Variants in PXDNL observed in about 807,000 individuals in gnomAD.
PXDNL encodes probable oxidoreductase PXDNL.
PXDNL carries 145 observed loss-of-function variants against 150.8 expected under a neutral mutation model. The observed-to-expected ratio is 0.96, with a 90% CI of 0.84 to 1.10. The LOEUF is 1.10. Ranked by LOEUF, PXDNL falls within the 50% of genes least tolerant of loss-of-function variation. The probability of loss-of-function intolerance (pLI) is 0.00; values close to 1 mark genes in which losing one functional copy is unlikely to be tolerated. For missense variants in PXDNL, 2,087 were observed against 1,873.9 expected, an observed-to-expected ratio of 1.11 and a Z score of -2.10; for synonymous variants, 757 against 725.7, an observed-to-expected ratio of 1.04 and a Z score of -0.69.
At chr8:51,729,449 CCACTACACAATCATTTAGAA>C (rs1180562476) in intron 1 of PXDNL, among the ~76,000 whole-genome samples, 2 of 152,096 alleles carry the variant, frequency 1.3e-5, no homozygotes, top group African/African-American at 4.8e-5. Flanking sequence ...CAATGAGATA[CCACTACACAATCATTTAGAA>C]TGGCCAAAAT....
rs979675688 is a variant in PXDNL at position 51,486,406 on chromosome 8, T to G, written c.453-2692A>C. ...AATCAGATATTACTGCTACTTGATATTTCTATAACAACTTGCTTTCAAGCA... is the reference window on the plus strand; with the variant it reads ...AATCAGATATTACTGCTACTTGATAGTTCTATAACAACTTGCTTTCAAGCA... On this transcript the variant is annotated intron_variant, in intron 5 of 22. Coordinates refer to ENST00000356297, the MANE Select transcript of PXDNL (RefSeq NM_144651.5). Among the ~76,000 whole-genome samples, 5 of 152,142 alleles carry G rather than the reference T, an allele frequency of 3.3e-5. No individual in the cohort carries two copies. The South Asian group carries it at 8.3e-4, about 25-fold the overall frequency.
intron 1 of PXDNL, among the ~76,000 whole-genome samples, chr8:51,785,733 C>G (rs995062450): frequency 3.3e-5 from 5 of 152,164 alleles, no homozygotes; most frequent in African/African-American, 9.7e-5. Flanking sequence ...CATCTCTCTC[C>G]CTCTCCTTGG....
intron 1 of PXDNL, among the ~76,000 whole-genome samples, chr8:51,792,636 C>T (rs2037523904): frequency 6.6e-6 from 1 of 152,136 alleles, no homozygotes; most frequent in South Asian, 2.1e-4. Flanking sequence ...TGCCATTTTT[C>T]CCCCTGCTGG....
At chr8:51,399,597 G>A (rs77083046) in intron 17 of PXDNL, among the ~76,000 whole-genome samples, 4,556 of 152,304 alleles carry the variant, frequency 0.03, 169 homozygotes, top group African/African-American at 0.088. Flanking sequence ...AGACTGCAAA[G>A]ACCATGAGCT....
chr8:51,601,295 G>A (rs1813715426), intron 2 of PXDNL, among the ~76,000 whole-genome samples: 1 of 151,846 alleles, frequency 6.6e-6, no homozygotes, highest in African/African-American at 2.4e-5. Flanking sequence ...CTGCCTTGAT[G>A]CTCTGTCCAA....
At chr8:51,802,425 G>C (rs1239629029) in intron 1 of PXDNL, among the ~76,000 whole-genome samples, 2 of 152,070 alleles carry the variant, frequency 1.3e-5, no homozygotes, top group Non-Finnish European at 2.9e-5. Context: ...CTTTGAATGT[G>C]GCCCAAAGCA....
chr8:51,371,785 T>A (rs1394346815), intron 19 of PXDNL, 88 bp downstream of exon 19: 2 of 1,190,706 alleles, frequency 1.7e-6, no homozygotes, highest in African/African-American at 3.0e-5. Context: ...TATCTTTCTT[T>A]AAATCGCATA....
At chr8:51,611,925 G>C (rs1441375123) in intron 2 of PXDNL, among the ~76,000 whole-genome samples, 3 of 152,236 alleles carry the variant, frequency 2.0e-5, no homozygotes, top group Non-Finnish European at 2.9e-5. Context: ...ACCAGCGATG[G>C]GCAGCTCAGA....
In PXDNL at chr8:51,800,376, G is replaced by A. The variant is rs535433803; in HGVS notation, c.164+8805C>T. ...TCTCTCAGAAAGACAAGTTAATAAC[G>A]CTAATTCCACGTGGTATATTCCCTG... On this transcript the variant is annotated intron_variant, in intron 1 of 22. Coordinates refer to ENST00000356297, the MANE Select transcript of PXDNL (RefSeq NM_144651.5). Among the ~76,000 whole-genome samples, 13 of 152,278 alleles carry A rather than the reference G, an allele frequency of 8.5e-5. No homozygotes were observed. The East Asian group carries it at 1.7e-3, about 20-fold the overall frequency.
intron 2 of PXDNL, among the ~76,000 whole-genome samples, chr8:51,608,058 C>A (rs12682162): frequency 0.3 from 20,423 of 67,230 alleles, 2,362 homozygotes; most frequent in East Asian, 0.34. Flanking sequence ...AGAAAGAAAG[C>A]AAGCAAGCAA....
At chr8:51,776,026 A>G (rs1252168422) in intron 1 of PXDNL, among the ~76,000 whole-genome samples, 1 of 152,170 alleles carries the variant, frequency 6.6e-6, no homozygotes, top group Non-Finnish European at 1.5e-5. Context: ...GCTGTCTTTT[A>G]CAGTTGTGTA....
chr8:51,608,397 A>G (rs1205948538), intron 2 of PXDNL, among the ~76,000 whole-genome samples: 4 of 146,274 alleles, frequency 2.7e-5, no homozygotes, highest in Non-Finnish European at 4.4e-5. Flanking sequence ...AAAAAAAAAA[A>G]AAAAAAGAAA....
chr8:51,694,736 C>G (rs1487856562), intron 1 of PXDNL, among the ~76,000 whole-genome samples: 1 of 152,108 alleles, frequency 6.6e-6, no homozygotes, highest in Non-Finnish European at 1.5e-5. Context: ...TGTAACATAA[C>G]AAGGCAAGAT....
chr8:51,398,206 G>T (rs574749507), intron 17 of PXDNL, among the ~76,000 whole-genome samples: 1 of 152,184 alleles, frequency 6.6e-6, no homozygotes, highest in Non-Finnish European at 1.5e-5. Flanking sequence ...GTTTCCCTTC[G>T]GGAGAAATCT....
At chr8:51,560,208 G>A (rs1395309167) in intron 3 of PXDNL, among the ~76,000 whole-genome samples, 1 of 151,872 alleles carries the variant, frequency 6.6e-6, no homozygotes, top group Non-Finnish European at 1.5e-5. Flanking sequence ...TGGCCTTAAA[G>A]ATTTAATATC....
intron 5 of PXDNL, among the ~76,000 whole-genome samples, chr8:51,487,686 T>A (rs1417211338): frequency 6.6e-6 from 1 of 152,206 alleles, no homozygotes; most frequent in Non-Finnish European, 1.5e-5. Flanking sequence ...GTTGATTGTG[T>A]TTGAAGATAA....
chr8:51,486,704 A>C (rs137906693), intron 5 of PXDNL, among the ~76,000 whole-genome samples: 1 of 129,672 alleles, frequency 7.7e-6, no homozygotes, highest in African/African-American at 2.9e-5. Flanking sequence ...TGATTGCTTT[A>C]CTCCCAACAA....
At chr8:51,625,216 G>T (rs1585629387) in intron 2 of PXDNL, among the ~76,000 whole-genome samples, 1 of 152,244 alleles carries the variant, frequency 6.6e-6, no homozygotes, top group Non-Finnish European at 1.5e-5. Flanking sequence ...GGAAAATGAT[G>T]ACTTTATCAG....
rs1473868095 is a variant in PXDNL, at chr8:51,735,535, T to G, written c.164+73646A>C. 9.3e-3 allele frequency among the ~76,000 whole-genome samples: 1,118 copies of G among 120,112 alleles called. 156 individuals carry two copies. The East Asian group carries it at 0.19, about 20-fold the overall frequency. 78.8% of individuals were successfully genotyped at this position (120,112 alleles called of 152,430 possible). A position where few individuals can be genotyped will look rare whatever the true frequency, so the allele number is the denominator to read the frequency against. ...TAATTAATTAAAAATTGTTTTTTTT[T>G]TTTTTTTTTTTTTTTTTTTTTTTTT... On this transcript the variant is annotated intron_variant, in intron 1 of 22. Coordinates refer to ENST00000356297, the MANE Select transcript of PXDNL (RefSeq NM_144651.5).
Sources: allele counts gnomAD v4.1 joint callset (sites outside exome capture counted in the v4.1 genomes callset), GRCh38; gene constraint gnomAD v4.1.1; transcripts MANE v1.5; gene names NCBI Gene and HGNC (gene_info 2026-07-23, HGNC 2026-07-21).